The following SLC6A11 variants were observed in gnomAD, a reference collection of about 807,000 sequenced individuals.
SLC6A11 encodes the protein solute carrier family 6 member 11, also known as sodium- and chloride-dependent GABA transporter 3.
SLC6A11 carries 25 observed loss-of-function variants against 74.8 expected under a neutral mutation model. That is an observed-to-expected ratio of 0.33 (90% CI 0.24 to 0.47). The LOEUF is 0.47. Ranked by LOEUF, SLC6A11 falls within the 20% of genes least tolerant of loss-of-function variation. The pLI, the probability that SLC6A11 is intolerant of heterozygous loss-of-function variation, is 1.00. For synonymous variants in SLC6A11, 330 were observed against 330.2 expected, an observed-to-expected ratio of 1.00 and a Z score of 0.01; for missense variants, 574 against 837.0, an observed-to-expected ratio of 0.69 and a Z score of 3.88.
intron 5 of SLC6A11, among the ~76,000 whole-genome samples, chr3:10,852,319 G>A (rs773081327): frequency 6.6e-6 from 1 of 152,230 alleles, no homozygotes; most frequent in Admixed American, 6.5e-5. Context: ...CACCGAAGCC[G>A]CCATGCCGTT....
At chr3:10,876,583 A>G (rs1258452147) in intron 6 of SLC6A11, among the ~76,000 whole-genome samples, 2 of 152,106 alleles carry the variant, frequency 1.3e-5, no homozygotes, top group Non-Finnish European at 2.9e-5. Flanking sequence ...GAGCTGGTTA[A>G]AAATGCTGAT....
Position 10,844,321 on chromosome 3 carries a change from G to A in SLC6A11, c.731G>A (p.Trp244Ter). ...AAWTICYFCI[W>*]KGTKSTGKVV... The stretch of plus-strand genomic sequence containing the variant: ...TGGACCATCTGTTACTTCTGTATCT[G>A]GAAGGGGACCAAGTCTACAGGAAAG... The change falls in exon 5 of 14, where the codon TGG becomes TAG. Residue 244 changes from tryptophan to a stop codon, truncating the protein, a stop_gained. Coordinates refer to ENST00000254488, the MANE Select transcript of SLC6A11 (RefSeq NM_014229.3). LOFTEE classifies it high-confidence loss of function. 1 of 1,614,188 alleles carries A rather than the reference G, an allele frequency of 6.2e-7. No individual in the cohort carries two copies. Among genetic ancestry groups the A allele is most frequent in the Non-Finnish European group, 8.5e-7 (1 of 1,180,026 alleles).
rs1051808503 is a variant in SLC6A11 at position 10,857,170 on chromosome 3, G to A, written c.756+12824G>A. ...GTTGGTACCGAGTTTGGATAAGGAG[G>A]TTATAGTGGCCCGGGGTGGTCTGGA... On this transcript the variant is annotated intron_variant, in intron 5 of 13. Transcript: ENST00000254488. Among the ~76,000 whole-genome samples, 41 of 152,272 alleles carry A rather than the reference G, an allele frequency of 2.7e-4. 1 individual carries two copies. The highest frequency in any genetic ancestry group is 9.1e-4 in the African/African-American group (38 of 41,546).
intron 4 of SLC6A11, among the ~76,000 whole-genome samples, chr3:10,842,000 A>G (rs562642423): frequency 2.6e-5 from 4 of 152,230 alleles, no homozygotes; most frequent in African/African-American, 7.2e-5. Flanking sequence ...TGTCCCTTAT[A>G]GTTCACCAGC....
chr3:10,871,543 G>C (rs114101079), intron 5 of SLC6A11, among the ~76,000 whole-genome samples: 14 of 152,090 alleles, frequency 9.2e-5, no homozygotes, highest in African/African-American at 2.2e-4. Flanking sequence ...GCTTTGGTTG[G>C]GGGGGAGGGG....
intron 13 of SLC6A11, chr3:10,935,493 G>C: frequency 2.9e-6 from 1 of 343,984 alleles, no homozygotes; most frequent in South Asian, 4.3e-5. Context: ...GTTCATATAG[G>C]AAAAGCCCTG....
rs563388141 is a variant in SLC6A11 at position 10,905,712 on chromosome 3, T to C, written c.892-6378T>C. ...CATCTGTTTAAGAAACAAACATATA[T>C]CAGTTATGCTTTCTGTAAAGAGCCT... is the stretch of plus-strand genomic sequence containing the variant. On this transcript the variant is annotated intron_variant, in intron 6 of 13. Transcript: ENST00000254488. 2.0e-5 allele frequency among the ~76,000 whole-genome samples: 3 copies of C among 152,296 alleles called. No homozygotes were observed. The South Asian group carries it at 6.2e-4, about 32-fold the overall frequency.
In SLC6A11 at chr3:10,935,458, T is replaced by TA. The variant is rs1695748545; in HGVS notation, c.1746+260dup. ...AATGGGATAACCACAGTACCTAACT[T>TA]ACAGAGGCTGTGAGAACTCAGTGAG... On this transcript the variant is annotated intron_variant, in intron 13 of 13. Coordinates refer to ENST00000254488, the MANE Select transcript of SLC6A11 (RefSeq NM_014229.3). 6.9e-6 allele frequency: 3 copies of TA among 433,534 alleles called. No homozygotes were observed. The South Asian group carries it at 9.3e-5, about 13-fold the overall frequency. The allele number at this position is 433,534 out of a possible 1,614,324, so 26.9% of individuals were successfully genotyped here. A position where few individuals can be genotyped will look rare whatever the true frequency, so the allele number is the denominator to read the frequency against.
In SLC6A11 at chr3:10,926,583, T is replaced by C. The variant is rs2106633494; in HGVS notation, c.1233+467T>C. ...ACCTCCTCTTCCTCCATCTCTGTCC[T>C]GGATGCCACCACCAGCTCTGCCCCG... On this transcript the variant is annotated intron_variant, in intron 9 of 13. Transcript: ENST00000254488. This position sits in a 1 kb window ranked among gnomAD's most constrained non-coding sequence, Gnocchi z 5.7. 6.6e-6 allele frequency among the ~76,000 whole-genome samples: 1 copy of C among 152,212 alleles called. No homozygotes were observed. The highest frequency in any genetic ancestry group is 2.1e-4 in the South Asian group (1 of 4,806).
chr3:10,868,959 C>A (rs894337236), intron 5 of SLC6A11, among the ~76,000 whole-genome samples: 9 of 152,114 alleles, frequency 5.9e-5, no homozygotes, highest in African/African-American at 1.9e-4. Context: ...TTCTGAATCC[C>A]CTTTTATGTG....
intron 5 of SLC6A11, among the ~76,000 whole-genome samples, chr3:10,848,182 C>G (rs1022192823): frequency 6.6e-6 from 1 of 152,228 alleles, no homozygotes; most frequent in Admixed American, 6.5e-5. Flanking sequence ...TTCACCTGTT[C>G]AGGGAGGCAG....
intron 3 of SLC6A11, among the ~76,000 whole-genome samples, chr3:10,820,276 A>G (rs976840443): frequency 1.3e-5 from 2 of 152,246 alleles, no homozygotes; most frequent in African/African-American, 2.4e-5. Context: ...GAGGACCTAC[A>G]GGCCAACCAG....
chr3:10,830,195 G>C (rs1004263242), intron 4 of SLC6A11, among the ~76,000 whole-genome samples: 3 of 152,192 alleles, frequency 2.0e-5, no homozygotes, highest in African/African-American at 7.2e-5. Flanking sequence ...ACTTTAGCTG[G>C]GTTTTGAAGG....
intron 6 of SLC6A11, among the ~76,000 whole-genome samples, chr3:10,900,788 G>A (rs559843045): frequency 6.2e-4 from 95 of 152,286 alleles, no homozygotes; most frequent in African/African-American, 2.2e-3. Flanking sequence ...GCTGAAGTCT[G>A]GCTTGGTCTG....
chr3:10,933,045 G>A (rs1575709110), intron 10 of SLC6A11, 106 bp from the exon 11 acceptor site: 8 of 765,040 alleles, frequency 1.0e-5, no homozygotes, highest in Non-Finnish European at 1.8e-5. Context: ...CCTGGCAGTG[G>A]TAGCCACAGA....
At chr3:10,913,706 T>G (rs1695416751) in intron 7 of SLC6A11, among the ~76,000 whole-genome samples, 1 of 151,966 alleles carries the variant, frequency 6.6e-6, no homozygotes, top group African/African-American at 2.4e-5. Context: ...TTTTTTCTTT[T>G]TCTTTGAGAC....
intron 5 of SLC6A11, among the ~76,000 whole-genome samples, chr3:10,852,204 C>T (rs890844970): frequency 1.3e-5 from 2 of 152,190 alleles, no homozygotes; most frequent in Non-Finnish European, 2.9e-5. Context: ...CGGCCAGGGC[C>T]GATGTCTGCA....
intron 6 of SLC6A11, among the ~76,000 whole-genome samples, chr3:10,910,555 A>G (rs149826047): frequency 1.0e-3 from 152 of 152,280 alleles, no homozygotes; most frequent in African/African-American, 3.6e-3. Flanking sequence ...GGTGGTAAGC[A>G]AGCAGAGACT....
chr3:10,880,740 C>T (rs1255520295), intron 6 of SLC6A11, among the ~76,000 whole-genome samples: 1 of 152,082 alleles, frequency 6.6e-6, no homozygotes, highest in Non-Finnish European at 1.5e-5. Context: ...GGTGGGGAGT[C>T]CTTCCTAGTC....
Sources: gnomAD v4.1 joint callset for allele counts (sites outside exome capture counted in the v4.1 genomes callset) on GRCh38, gnomAD v4.1.1 for gene constraint, Gnocchi (gnomAD v3.1) non-coding constraint, MANE v1.5 for transcripts, NCBI Gene and HGNC (gene_info 2026-07-23, HGNC 2026-07-21) for gene names.